The following SPOCK1 variants were observed in gnomAD, a reference collection of about 807,000 sequenced individuals.
SPOCK1 encodes testican-1.
SPOCK1 carries 23 observed loss-of-function variants against 55.3 expected under a neutral mutation model. The ratio of observed to expected loss-of-function variants is 0.42; its 90% CI spans 0.30 to 0.59. The LOEUF is 0.59. SPOCK1 is among the 20% of genes least tolerant of loss of function. The probability of loss-of-function intolerance (pLI) is 0.22; values close to 1 mark genes in which losing one functional copy is unlikely to be tolerated. For synonymous variants in SPOCK1, 226 were observed against 221.0 expected (o/e 1.02, Z -0.20); for missense variants, 499 against 552.5 (o/e 0.90, Z 0.97).
chr5:137,127,100 A>G (rs930055391), intron 4 of SPOCK1, among the ~76,000 whole-genome samples: 1 of 152,236 alleles, frequency 6.6e-6, no homozygotes, highest in African/African-American at 2.4e-5. Flanking sequence ...GGAGATTAGT[A>G]TGGGTCAGCC....
intron 4 of SPOCK1, among the ~76,000 whole-genome samples, chr5:137,113,984 G>A (rs535934149): frequency 2.0e-4 from 31 of 152,192 alleles, no homozygotes; most frequent in Non-Finnish European, 2.9e-4. Context: ...CAAGAGGACC[G>A]TTAATTTGGT....
chr5:137,468,565 C>T (rs1580943573), intron 2 of SPOCK1, among the ~76,000 whole-genome samples: 1 of 152,182 alleles, frequency 6.6e-6, no homozygotes, highest in East Asian at 1.9e-4. Context: ...CATTGTAATC[C>T]TATTGACGAA....
intron 2 of SPOCK1, among the ~76,000 whole-genome samples, chr5:137,355,334 A>C (rs1750769086): frequency 6.6e-6 from 1 of 152,182 alleles, no homozygotes; most frequent in Non-Finnish European, 1.5e-5. Flanking sequence ...CTGGGACTAC[A>C]GGTGTGTGCC....
chr5:137,436,514 G>A (rs1752868604), intron 2 of SPOCK1, among the ~76,000 whole-genome samples: 2 of 152,094 alleles, frequency 1.3e-5, no homozygotes, highest in South Asian at 4.2e-4. Context: ...CATCATTTGA[G>A]TACATTTTAT....
intron 2 of SPOCK1, among the ~76,000 whole-genome samples, chr5:137,475,967 A>C (rs1161920045): frequency 6.6e-6 from 1 of 152,110 alleles, no homozygotes; most frequent in African/African-American, 2.4e-5. Context: ...TTAAAAAGGC[A>C]AGCTAGAGAA....
intron 4 of SPOCK1, among the ~76,000 whole-genome samples, chr5:137,131,180 G>A (rs767544594): frequency 4.6e-5 from 7 of 152,156 alleles, no homozygotes; most frequent in African/African-American, 1.7e-4. Context: ...CTCTGGGTTC[G>A]GATCTTGATG....
chr5:137,453,896 C>T (rs1185641511), intron 2 of SPOCK1, among the ~76,000 whole-genome samples: 1 of 152,010 alleles, frequency 6.6e-6, no homozygotes, highest in Non-Finnish European at 1.5e-5. Flanking sequence ...GTAGTGGAGT[C>T]CCCTTATTCC....
At chr5:137,151,502 G>A (rs1490394638) in intron 3 of SPOCK1, among the ~76,000 whole-genome samples, 3 of 152,084 alleles carry the variant, frequency 2.0e-5, no homozygotes, top group African/African-American at 7.2e-5. Flanking sequence ...AAGTTTAAAG[G>A]GTCCTAGAAT....
intron 2 of SPOCK1, among the ~76,000 whole-genome samples, chr5:137,323,287 G>C (rs1758012858): frequency 6.6e-6 from 1 of 152,202 alleles, no homozygotes; most frequent in Non-Finnish European, 1.5e-5. Flanking sequence ...GCTTATTTTA[G>C]ATTTTAGGAC....
At chr5:137,264,243 T>C (rs1756803855) in intron 3 of SPOCK1, among the ~76,000 whole-genome samples, 1 of 152,198 alleles carries the variant, frequency 6.6e-6, no homozygotes, top group Non-Finnish European at 1.5e-5. Flanking sequence ...TTTGGGTTCC[T>C]AATTATAGCT....
intron 2 of SPOCK1, among the ~76,000 whole-genome samples, chr5:137,346,420 C>T (rs1750557179): frequency 6.6e-6 from 1 of 152,192 alleles, no homozygotes; most frequent in Admixed American, 6.5e-5. Context: ...CCCCAACCTG[C>T]TTCCAGCTAT....
rs776019754 is a variant in SPOCK1, at chr5:136,992,607, A to T, written c.590-7T>A. 1 of 1,608,924 alleles carries T rather than the reference A, an allele frequency of 6.2e-7. No individual in the cohort carries two copies. The highest frequency in any genetic ancestry group is 1.7e-4 in the Middle Eastern group (1 of 6,022). Reference sequence around the variant, plus strand: ...AACTCCTTGTCTGTGCAGGCTAGAGAAAAGCAAACAGAACAGACAATGGGG... The same window carrying T: ...AACTCCTTGTCTGTGCAGGCTAGAGTAAAGCAAACAGAACAGACAATGGGG... On this transcript the variant is annotated splice_region_variant and splice_polypyrimidine_tract_variant and intron_variant, in intron 6 of 10. Coordinates refer to ENST00000394945, the MANE Select transcript of SPOCK1 (RefSeq NM_004598.4).
chr5:137,087,105 T>C (rs907991567), intron 5 of SPOCK1, among the ~76,000 whole-genome samples: 2 of 152,156 alleles, frequency 1.3e-5, no homozygotes, highest in Non-Finnish European at 2.9e-5. Flanking sequence ...ATCAAATCGA[T>C]ACAACAAAAA....
chr5:137,098,719 C>T (rs1038931086), intron 5 of SPOCK1, among the ~76,000 whole-genome samples: 1 of 152,214 alleles, frequency 6.6e-6, no homozygotes, highest in Non-Finnish European at 1.5e-5. Context: ...ATTGCTCTTC[C>T]CTCACCTGCA....
At chr5:137,220,306 T>G (rs1042904835) in intron 3 of SPOCK1, among the ~76,000 whole-genome samples, 3 of 152,202 alleles carry the variant, frequency 2.0e-5, no homozygotes, top group African/African-American at 7.2e-5. Flanking sequence ...TTGGGGGGCA[T>G]GTACATAACT....
chr5:137,461,009 C>G (rs1197888313), intron 2 of SPOCK1, among the ~76,000 whole-genome samples: 2 of 152,194 alleles, frequency 1.3e-5, no homozygotes, highest in Admixed American at 6.5e-5. Flanking sequence ...CCTGTCAGGT[C>G]TTCCTCTCTG....
chr5:137,461,458 T>A lies in SPOCK1; in HGVS notation c.186+36915A>T, dbSNP rs564099976. 1.4e-3 allele frequency among the ~76,000 whole-genome samples: 209 copies of A among 152,342 alleles called. 1 individual carries two copies. The highest frequency in any genetic ancestry group is 2.0e-3 in the Non-Finnish European group (138 of 68,038). Reference sequence around the variant, plus strand: ...AAGGATACTTCCAGAAATGTCTTCATTAATGAAGCAGCTTTTGGGGGCAGC... The same window carrying A: ...AAGGATACTTCCAGAAATGTCTTCAATAATGAAGCAGCTTTTGGGGGCAGC... On this transcript the variant is annotated intron_variant, in intron 2 of 10. Coordinates refer to ENST00000394945, the MANE Select transcript of SPOCK1 (RefSeq NM_004598.4).
chr5:137,244,753 G>C (rs945174120), intron 3 of SPOCK1, among the ~76,000 whole-genome samples: 1 of 152,174 alleles, frequency 6.6e-6, no homozygotes, highest in Non-Finnish European at 1.5e-5. Context: ...AACTCCACAA[G>C]GCAAGGTGCT....
At chr5:137,043,056 T>C (rs979604746) in intron 6 of SPOCK1, among the ~76,000 whole-genome samples, 8 of 152,068 alleles carry the variant, frequency 5.3e-5, no homozygotes, top group African/African-American at 1.4e-4. Context: ...GGATACTAAA[T>C]ACACAAGATG....
Sources: allele counts gnomAD v4.1 joint callset (sites outside exome capture counted in the v4.1 genomes callset), GRCh38; gene constraint gnomAD v4.1.1; transcripts MANE v1.5; gene names NCBI Gene and HGNC (gene_info 2026-07-23, HGNC 2026-07-21).